Variants in BNC2 observed in about 807,000 individuals in gnomAD.
BNC2 encodes basonuclin zinc finger protein 2.
Under a neutral mutation model 76.3 loss-of-function variants are expected in BNC2, and 20 were observed. That is an observed-to-expected ratio of 0.26 (90% CI 0.18 to 0.38). The LOEUF (loss-of-function observed/expected upper bound fraction) is 0.38, where lower values mean the gene tolerates loss of function less well. Ranked by LOEUF, BNC2 falls within the 10% of genes least tolerant of loss-of-function variation. The pLI is 1.00. For synonymous variants in BNC2, 582 were observed against 514.8 expected (o/e 1.13, Z -1.77); for missense variants, 1,382 against 1,399.8 (o/e 0.99, Z 0.20).
intron 4 of BNC2, among the ~76,000 whole-genome samples, chr9:16,570,006 TTAAC>T (rs1045402357): frequency 5.3e-4 from 81 of 152,288 alleles, no homozygotes; most frequent in African/African-American, 1.9e-3. Flanking sequence ...GCTACCTGAA[TTAAC>T]TATGTACATC....
At chr9:16,849,352 A>ATTTTTTT (rs35561834) in intron 1 of BNC2, among the ~76,000 whole-genome samples, 104 of 90,104 alleles carry the variant, frequency 1.2e-3, no homozygotes, top group Middle Eastern at 8.6e-3. Context: ...CATGCAAAAG[A>ATTTTTTT]TTTTTTTTTT....
intron 5 of BNC2, among the ~76,000 whole-genome samples, chr9:16,457,649 T>C (rs1821483802): frequency 6.6e-6 from 1 of 152,196 alleles, no homozygotes; most frequent in South Asian, 2.1e-4. Flanking sequence ...AGGCATGCTT[T>C]GCCTAGCATG....
At chr9:16,690,571 T>C (rs1211402043) in intron 3 of BNC2, among the ~76,000 whole-genome samples, 1 of 152,166 alleles carries the variant, frequency 6.6e-6, no homozygotes, top group African/African-American at 2.4e-5. Flanking sequence ...TACTTATCCA[T>C]TTTCAAGGAT....
intron 1 of BNC2, among the ~76,000 whole-genome samples, chr9:16,817,569 A>C (rs1272456992): frequency 2.0e-5 from 3 of 152,220 alleles, no homozygotes; most frequent in Non-Finnish European, 4.4e-5. Flanking sequence ...CACAAGGCTG[A>C]TGTGGAGATA....
chr9:16,848,235 G>C (rs1005716285), intron 1 of BNC2, among the ~76,000 whole-genome samples: 43 of 152,206 alleles, frequency 2.8e-4, no homozygotes, highest in African/African-American at 1.0e-3. Flanking sequence ...AAAAAAAGGA[G>C]GCAGACTTCA....
At chr9:16,482,655 A>G (rs968691851) in intron 5 of BNC2, among the ~76,000 whole-genome samples, 2 of 148,964 alleles carry the variant, frequency 1.3e-5, no homozygotes, top group African/African-American at 2.6e-5. Flanking sequence ...CAGATAATTT[A>G]GAAAATCTGC....
intron 5 of BNC2, among the ~76,000 whole-genome samples, chr9:16,531,342 C>T (rs1001806139): frequency 2.6e-4 from 39 of 151,062 alleles, no homozygotes; most frequent in African/African-American, 9.2e-4. Context: ...AACAAGAAAG[C>T]GGCGACAAGA....
At chr9:16,800,042 T>C (rs1817744596) in intron 1 of BNC2, among the ~76,000 whole-genome samples, 1 of 151,978 alleles carries the variant, frequency 6.6e-6, no homozygotes. Flanking sequence ...CTGGACAACA[T>C]GGGGAAACCC....
intron 3 of BNC2, chr9:16,685,562 G>A (rs1476810425): frequency 7.7e-7 from 1 of 1,304,124 alleles, no homozygotes; most frequent in South Asian, 1.2e-5. Flanking sequence ...TCCAGCCTGT[G>A]GTATGGCTCC....
chr9:16,778,332 G>C (rs765597447), intron 1 of BNC2, among the ~76,000 whole-genome samples: 1 of 152,108 alleles, frequency 6.6e-6, no homozygotes, highest in Non-Finnish European at 1.5e-5. Flanking sequence ...TTAGAGCAGT[G>C]ACAAAATTCC....
Position 16,412,868 on chromosome 9 carries a change from C to CA in BNC2, c.*6120dup, listed in dbSNP as rs1227453163. 3.3e-5 allele frequency: 5 copies of CA among 152,598 alleles called. No individual in the cohort carries two copies. The highest frequency in any genetic ancestry group is 2.6e-4 in the Admixed American group (4 of 15,260). 9.5% of individuals were successfully genotyped at this position (152,598 alleles called of 1,614,324 possible). A position where few individuals can be genotyped will look rare whatever the true frequency, so the allele number is the denominator to read the frequency against. ...ACAAGGGGATAAACAGGCAATTACG[C>CA]ATCCTTTTATATTTGATGGCCAAGT... On this transcript the variant is annotated 3_prime_UTR_variant, in exon 7 of 7. Coordinates refer to ENST00000380672, the MANE Select transcript of BNC2 (RefSeq NM_017637.6).
chr9:16,868,689 T>C (rs530620397), intron 1 of BNC2, among the ~76,000 whole-genome samples: 1 of 152,222 alleles, frequency 6.6e-6, no homozygotes, highest in South Asian at 2.1e-4. Context: ...TCTGGACTTT[T>C]AATACAGCGC....
intron 3 of BNC2, among the ~76,000 whole-genome samples, chr9:16,678,257 C>CTTTCTT (rs1226402116): frequency 5.2e-4 from 43 of 83,302 alleles, no homozygotes; most frequent in African/African-American, 1.9e-3. Flanking sequence ...TAACTGTTTT[C>CTTTCTT]TTTCTTTTTC....
At chr9:16,599,013 T>C (rs1200613919) in intron 3 of BNC2, among the ~76,000 whole-genome samples, 1 of 152,214 alleles carries the variant, frequency 6.6e-6, no homozygotes, top group Admixed American at 6.5e-5. Flanking sequence ...TGTAAAACTT[T>C]AGTCTCTCCA....
At chr9:16,482,778 T>A (rs1247515800) in intron 5 of BNC2, among the ~76,000 whole-genome samples, 2 of 152,198 alleles carry the variant, frequency 1.3e-5, no homozygotes, top group African/African-American at 2.4e-5. Flanking sequence ...CATCACAAAC[T>A]TCAGACTCCA....
At chr9:16,565,967 G>A (rs896274058) in intron 4 of BNC2, among the ~76,000 whole-genome samples, 6 of 152,194 alleles carry the variant, frequency 3.9e-5, no homozygotes, top group East Asian at 1.9e-4. Flanking sequence ...CCAAGATGAC[G>A]CCAGAGAGAT....
chr9:16,656,863 C>T (rs1244929057), intron 3 of BNC2, among the ~76,000 whole-genome samples: 1 of 152,090 alleles, frequency 6.6e-6, no homozygotes, highest in African/African-American at 2.4e-5. Flanking sequence ...ATTAGAGGCA[C>T]TGGGGATGCA....
At chr9:16,578,202 A>G (rs978300593) in intron 4 of BNC2, among the ~76,000 whole-genome samples, 1 of 152,212 alleles carries the variant, frequency 6.6e-6, no homozygotes, top group Non-Finnish European at 1.5e-5. Flanking sequence ...TCATGGGATA[A>G]AAACAATTTT....
chr9:16,726,147 G>A (rs923529697), intron 3 of BNC2, among the ~76,000 whole-genome samples: 1 of 152,176 alleles, frequency 6.6e-6, no homozygotes, highest in Non-Finnish European at 1.5e-5. Flanking sequence ...GCAGGGATGC[G>A]TCGCGGAAAA....
Sources: allele counts gnomAD v4.1 joint callset (sites outside exome capture counted in the v4.1 genomes callset), GRCh38; gene constraint gnomAD v4.1.1; transcripts MANE v1.5; gene names NCBI Gene and HGNC (gene_info 2026-07-23, HGNC 2026-07-21).